Variants in CTNND2 observed in about 807,000 individuals in gnomAD.
The protein encoded by CTNND2 is catenin delta 2.
Under a neutral mutation model 144.4 loss-of-function variants are expected in CTNND2, and 22 were observed. The ratio of observed to expected loss-of-function variants is 0.15; its 90% CI spans 0.11 to 0.22. CTNND2 has a LOEUF of 0.22. Among genes scored for constraint, CTNND2 ranks in the 10% least tolerant of loss-of-function variants. CTNND2 has a pLI of 1.00. For missense variants in CTNND2, 1,353 were observed against 1,618.8 expected (o/e 0.84, Z 2.82); for synonymous variants, 751 against 695.6 (o/e 1.08, Z -1.25).
chr5:11,571,486 A>G (rs1777547523), intron 2 of CTNND2, among the ~76,000 whole-genome samples: 1 of 152,124 alleles, frequency 6.6e-6, no homozygotes, highest in Non-Finnish European at 1.5e-5. Flanking sequence ...TGTATTCAAT[A>G]CCTCACTTTT....
At chr5:11,400,588 C>T (rs1011732104) in intron 5 of CTNND2, among the ~76,000 whole-genome samples, 1 of 150,648 alleles carries the variant, frequency 6.6e-6, no homozygotes, top group Non-Finnish European at 1.5e-5. Context: ...TTTCTTTGTT[C>T]TGAAACAAAA....
At chr5:11,898,115 C>G (rs1226611257) in intron 1 of CTNND2, among the ~76,000 whole-genome samples, 3 of 152,198 alleles carry the variant, frequency 2.0e-5, no homozygotes, top group Non-Finnish European at 4.4e-5. Context: ...TGTAATTCAA[C>G]TGCCACACCA....
intron 1 of CTNND2, among the ~76,000 whole-genome samples, chr5:11,862,432 A>C (rs532547986): frequency 2.6e-5 from 4 of 152,262 alleles, no homozygotes; most frequent in African/African-American, 7.2e-5. Context: ...ACATTTTCTT[A>C]CTTTGAAGGC....
intron 1 of CTNND2, among the ~76,000 whole-genome samples, chr5:11,830,741 A>G (rs1360654547): frequency 6.6e-6 from 1 of 152,182 alleles, no homozygotes; most frequent in Admixed American, 6.5e-5. Context: ...AAATGGAGGA[A>G]GCTGGGAACC....
intron 3 of CTNND2, among the ~76,000 whole-genome samples, chr5:11,452,407 G>A (rs1032068952): frequency 5.3e-5 from 8 of 151,976 alleles, no homozygotes; most frequent in Non-Finnish European, 5.9e-5. Flanking sequence ...TAAAAGTATC[G>A]AAAAAATAAT....
intron 3 of CTNND2, among the ~76,000 whole-genome samples, chr5:11,559,838 CT>C (rs1776546835): frequency 6.6e-6 from 1 of 152,200 alleles, no homozygotes; most frequent in Non-Finnish European, 1.5e-5. Context: ...CCTCTACGGC[CT>C]TCTGACGCCC....
In CTNND2 at chr5:11,159,733, C is replaced by A; in HGVS notation, c.2002G>T (p.Asp668Tyr). ...TGVLWNLSSC[D>Y]ALKMPIIQDA... ...TGGATGATTGGCATTTTGAGTGCAT[C>A]GCATGAGGAGAGGTTCCAAAGGACT... Residue 668 changes from aspartate to tyrosine, a missense_variant, in exon 12 of 22, where the codon GAT becomes TAT. By Grantham distance (160) the Asp-to-Tyr change is radical (BLOSUM62 -3). Transcript: ENST00000304623. 1 of 1,604,278 alleles carries A rather than the reference C, an allele frequency of 6.2e-7. No individual in the cohort carries two copies. Among genetic ancestry groups the A allele is most frequent in the Admixed American group, 1.7e-5 (1 of 58,704 alleles).
rs532093066 is a variant in CTNND2 at position 11,470,893 on chromosome 5, G to A, written c.288-58824C>T. Among the ~76,000 whole-genome samples the A allele has an allele frequency of 4.2e-5, 6 of 141,958 alleles. No homozygotes were observed. In the East Asian group the frequency reaches 1.2e-3, roughly 29 times the overall value. 93.1% of individuals were successfully genotyped at this position (141,958 alleles called of 152,430 possible). On this transcript the variant is annotated intron_variant, in intron 3 of 21. Coordinates refer to ENST00000304623, the MANE Select transcript of CTNND2 (RefSeq NM_001332.4). ...TTTCATCACAATATGGGCAGAGCTGGGTTTCAACCAAGATGTCTAAGTATC... is the reference window on the plus strand; with the variant it reads ...TTTCATCACAATATGGGCAGAGCTGAGTTTCAACCAAGATGTCTAAGTATC...
chr5:11,239,047 C>A (rs1044738499), intron 9 of CTNND2, among the ~76,000 whole-genome samples: 1 of 152,176 alleles, frequency 6.6e-6, no homozygotes, highest in Admixed American at 6.5e-5. Flanking sequence ...CTACTAAATA[C>A]CTGTAAATTA....
intron 3 of CTNND2, among the ~76,000 whole-genome samples, chr5:11,430,299 A>G (rs1298474861): frequency 4.0e-5 from 6 of 149,634 alleles, no homozygotes; most frequent in Non-Finnish European, 8.9e-5. Context: ...TTTACCATTA[A>G]GAGTTAGTAT....
intron 3 of CTNND2, among the ~76,000 whole-genome samples, chr5:11,515,220 C>A (rs2150031074): frequency 6.6e-6 from 1 of 151,956 alleles, no homozygotes; most frequent in Non-Finnish European, 1.5e-5. Flanking sequence ...GGTAATACTT[C>A]AGTGATTCTC....
chr5:11,194,888 T>C (rs1358770867), intron 11 of CTNND2, among the ~76,000 whole-genome samples: 1 of 152,218 alleles, frequency 6.6e-6, no homozygotes, highest in Admixed American at 6.5e-5. Context: ...TGATATTCTC[T>C]TGGGCCCCTG....
At chr5:11,493,547 C>A (rs887366203) in intron 3 of CTNND2, among the ~76,000 whole-genome samples, 10 of 152,184 alleles carry the variant, frequency 6.6e-5, no homozygotes, top group African/African-American at 9.7e-5. Context: ...CTTATCTATA[C>A]ATCTGAGCAA....
At chr5:11,295,997 C>T (rs1300391927) in intron 9 of CTNND2, among the ~76,000 whole-genome samples, 1 of 151,306 alleles carries the variant, frequency 6.6e-6, no homozygotes, top group Non-Finnish European at 1.5e-5. Context: ...ACTAATTAAA[C>T]TAAAGAGCTT....
At chr5:11,083,911 T>C in intron 15 of CTNND2, 2 of 1,148,058 alleles carry the variant, frequency 1.7e-6, no homozygotes, top group Non-Finnish European at 2.2e-6. Flanking sequence ...CCTCTGGCAG[T>C]GAACGTAGGG....
intron 3 of CTNND2, among the ~76,000 whole-genome samples, chr5:11,477,107 T>C (rs1374961676): frequency 1.3e-5 from 2 of 152,228 alleles, no homozygotes; most frequent in Non-Finnish European, 2.9e-5. Context: ...GTCTATTTTG[T>C]GGATTCAGTT....
chr5:11,680,256 C>T (rs761616263), intron 2 of CTNND2, among the ~76,000 whole-genome samples: 2 of 152,166 alleles, frequency 1.3e-5, no homozygotes, highest in Non-Finnish European at 2.9e-5. Context: ...GGAACACAGA[C>T]TTACAATAAT....
intron 9 of CTNND2, among the ~76,000 whole-genome samples, chr5:11,296,094 AC>A (rs1748955847): frequency 1.5e-5 from 2 of 130,952 alleles, no homozygotes; most frequent in African/African-American, 5.8e-5. Context: ...TCTGACAAGT[AC>A]TAATATCCAG....
chr5:11,480,646 A>ATATGTGTGTG (rs987450261), intron 3 of CTNND2, among the ~76,000 whole-genome samples: 1 of 149,056 alleles, frequency 6.7e-6, no homozygotes, highest in African/African-American at 2.5e-5. Flanking sequence ...AAATACATAT[A>ATATGTGTGTG]TGTGTGTGTG....
Sources: gnomAD v4.1 joint callset for allele counts (sites outside exome capture counted in the v4.1 genomes callset) on GRCh38, gnomAD v4.1.1 for gene constraint, MANE v1.5 for transcripts, NCBI Gene and HGNC (gene_info 2026-07-23, HGNC 2026-07-21) for gene names.